The following ADGRL3 variants were observed in gnomAD, a reference collection of about 807,000 sequenced individuals.
ADGRL3 encodes the protein calcium-independent alpha-latrotoxin receptor 3.
Under a neutral mutation model 153.5 loss-of-function variants are expected in ADGRL3, and 62 were observed. That is an observed-to-expected ratio of 0.40 (90% CI 0.33 to 0.50). ADGRL3 has a LOEUF of 0.50. Among genes scored for constraint, ADGRL3 ranks in the 20% least tolerant of loss-of-function variants. ADGRL3 has a pLI of 0.47. For missense variants in ADGRL3, 1,641 were observed against 1,859.4 expected (o/e 0.88, Z 2.16); for synonymous variants, 710 against 672.5 (o/e 1.06, Z -0.86).
chr4:62,002,130 G>A (rs181570171), intron 21 of ADGRL3, among the ~76,000 whole-genome samples: 54 of 151,650 alleles, frequency 3.6e-4, no homozygotes, highest in Non-Finnish European at 7.2e-4. Context: ...TGCCTTCACT[G>A]GCTAGAGAGA....
At chr4:61,432,393 A>G (rs1385077503) in intron 2 of ADGRL3, among the ~76,000 whole-genome samples, 1 of 152,180 alleles carries the variant, frequency 6.6e-6, no homozygotes, top group African/African-American at 2.4e-5. Flanking sequence ...GAGAAGCCTG[A>G]TAAGTAAAAA....
At chr4:61,562,848 T>G (rs1428318942) in intron 4 of ADGRL3, among the ~76,000 whole-genome samples, 1 of 149,440 alleles carries the variant, frequency 6.7e-6, no homozygotes, top group Non-Finnish European at 1.5e-5. Flanking sequence ...GAATGGTAAA[T>G]CCTCAATCCT....
chr4:62,003,414 T>C (rs2099147192), intron 21 of ADGRL3, among the ~76,000 whole-genome samples: 1 of 152,124 alleles, frequency 6.6e-6, no homozygotes, highest in South Asian at 2.1e-4. Context: ...GAGTAATAAC[T>C]TGAGTGTCAA....
chr4:61,423,611 G>A (rs1376873512), intron 2 of ADGRL3, among the ~76,000 whole-genome samples: 2 of 152,192 alleles, frequency 1.3e-5, no homozygotes, highest in East Asian at 3.8e-4. Flanking sequence ...ACTAGGTGGA[G>A]GCCAACGGAT....
At chr4:61,931,202 C>T (rs914768310) in intron 13 of ADGRL3, among the ~76,000 whole-genome samples, 8 of 152,100 alleles carry the variant, frequency 5.3e-5, no homozygotes, top group Non-Finnish European at 1.2e-4. Flanking sequence ...CCTTTACTCT[C>T]CAATTCCTCA....
At chr4:62,062,543 C>G (rs1445809179) in intron 25 of ADGRL3, among the ~76,000 whole-genome samples, 1 of 151,944 alleles carries the variant, frequency 6.6e-6, no homozygotes, top group African/African-American at 2.4e-5. Flanking sequence ...ATTCATCTAA[C>G]ACAAATACAC....
intron 17 of ADGRL3, among the ~76,000 whole-genome samples, chr4:61,955,886 A>G (rs1256261864): frequency 6.6e-6 from 1 of 152,128 alleles, no homozygotes; most frequent in Admixed American, 6.6e-5. Context: ...TTATGGCTGC[A>G]TAGTATTTCA....
Position 61,247,281 on chromosome 4 carries a change from GT to G in ADGRL3, c.-240+45518del, listed in dbSNP as rs1757474357. On this transcript the variant is annotated intron_variant, in intron 1 of 26. Coordinates refer to ENST00000683033, the MANE Select transcript of ADGRL3 (RefSeq NM_001387552.1). ...ACATAAAGAGCCTTCATTGCATTCT[GT>G]TGCAATTCAGAGAGTGTTTTTATAA... Among the ~76,000 whole-genome samples, 3 of 152,026 alleles carry G rather than the reference GT, an allele frequency of 2.0e-5. No individual in the cohort carries two copies. The South Asian group carries it at 6.2e-4, about 32-fold the overall frequency.
intron 6 of ADGRL3, among the ~76,000 whole-genome samples, chr4:61,699,902 C>T (rs929203317): frequency 1.3e-5 from 2 of 151,506 alleles, no homozygotes; most frequent in African/African-American, 4.9e-5. Flanking sequence ...TAAGAAGTTA[C>T]AGCCTAGTAG....
intron 4 of ADGRL3, among the ~76,000 whole-genome samples, chr4:61,527,481 T>C (rs2098574292): frequency 6.6e-6 from 1 of 152,144 alleles, no homozygotes; most frequent in Admixed American, 6.5e-5. Context: ...AATTGACATA[T>C]ATACACATAT....
intron 25 of ADGRL3, among the ~76,000 whole-genome samples, chr4:62,051,193 T>TAC (rs1464485988): frequency 8.2e-5 from 12 of 145,722 alleles, no homozygotes; most frequent in South Asian, 2.2e-4. Context: ...TATATATACA[T>TAC]ACATACACAA....
At chr4:61,352,768 T>C (rs2096075503) in intron 1 of ADGRL3, among the ~76,000 whole-genome samples, 1 of 152,228 alleles carries the variant, frequency 6.6e-6, no homozygotes, top group Non-Finnish European at 1.5e-5. Context: ...TGTGGTGGTC[T>C]GGAACCTAAC....
At chr4:61,759,764 C>T (rs926086400) in intron 8 of ADGRL3, among the ~76,000 whole-genome samples, 1 of 152,166 alleles carries the variant, frequency 6.6e-6, no homozygotes, top group Admixed American at 6.5e-5. Flanking sequence ...TTAGAGTTTC[C>T]AGTTTTTCTA....
intron 13 of ADGRL3, among the ~76,000 whole-genome samples, chr4:61,916,215 G>A (rs1486193277): frequency 6.6e-6 from 1 of 152,074 alleles, no homozygotes. Flanking sequence ...CATTATGTTT[G>A]CATCCCAAGA....
chr4:61,838,738 A>G (rs1274396835), intron 9 of ADGRL3, among the ~76,000 whole-genome samples: 1 of 152,194 alleles, frequency 6.6e-6, no homozygotes, highest in East Asian at 1.9e-4. Context: ...TATGCCTTTT[A>G]TCTTTAAGTA....
At chr4:62,030,249 A>G (rs1157030937) in intron 22 of ADGRL3, among the ~76,000 whole-genome samples, 1 of 151,686 alleles carries the variant, frequency 6.6e-6, no homozygotes, top group Non-Finnish European at 1.5e-5. Context: ...TATGATAAAC[A>G]TATATGATTT....
intron 2 of ADGRL3, among the ~76,000 whole-genome samples, chr4:61,390,359 A>G (rs916364028): frequency 6.6e-6 from 1 of 152,170 alleles, no homozygotes; most frequent in African/African-American, 2.4e-5. Flanking sequence ...CATTGAAAAA[A>G]TATTATGATG....
At chr4:61,295,498 T>A (rs6551620) in intron 1 of ADGRL3, among the ~76,000 whole-genome samples, 59,209 of 151,906 alleles carry the variant, frequency 0.39, 12,015 homozygotes, top group South Asian at 0.53. Context: ...TATATATAAT[T>A]AATAAAATAG....
At chr4:61,794,929 C>T (rs2097390071) in intron 8 of ADGRL3, among the ~76,000 whole-genome samples, 2 of 152,184 alleles carry the variant, frequency 1.3e-5, no homozygotes, top group Non-Finnish European at 2.9e-5. Context: ...ACAATTACTT[C>T]TACATGAATA....
Sources: gnomAD v4.1 joint callset for allele counts (sites outside exome capture counted in the v4.1 genomes callset) on GRCh38, gnomAD v4.1.1 for gene constraint, MANE v1.5 for transcripts, NCBI Gene and HGNC (gene_info 2026-07-23, HGNC 2026-07-21) for gene names.